The following KCNIP4 variants were observed in gnomAD, a reference collection of about 807,000 sequenced individuals.
KCNIP4 encodes the protein potassium voltage-gated channel interacting protein 4.
A neutral mutation model predicts 34.0 loss-of-function variants in KCNIP4; 12 were observed. The ratio of observed to expected loss-of-function variants is 0.35; its 90% CI spans 0.23 to 0.57. KCNIP4 has a LOEUF of 0.57. Among genes scored for constraint, KCNIP4 ranks in the 20% least tolerant of loss-of-function variants. The probability of loss-of-function intolerance (pLI) is 0.83; values close to 1 mark genes in which losing one functional copy is unlikely to be tolerated. For missense variants in KCNIP4, 238 were observed against 311.7 expected, an observed-to-expected ratio of 0.76 and a Z score of 1.78; for synonymous variants, 124 against 102.2, an observed-to-expected ratio of 1.21 and a Z score of -1.29.
chr4:21,397,698 T>G, intron 1 of KCNIP4, among the ~76,000 whole-genome samples: 1 of 152,204 alleles, frequency 6.6e-6, no homozygotes, highest in Non-Finnish European at 1.5e-5. Context: ...AGTTAATGAA[T>G]TTGATGATGC....
chr4:21,013,449 C>T (rs78697518), intron 1 of KCNIP4, among the ~76,000 whole-genome samples: 7,477 of 152,108 alleles, frequency 0.049, 240 homozygotes, highest in Admixed American at 0.082. Context: ...CACTGACCCC[C>T]AGACACCAGG....
chr4:20,909,658 T>A (rs535660539), intron 1 of KCNIP4, among the ~76,000 whole-genome samples: 1 of 152,214 alleles, frequency 6.6e-6, no homozygotes, highest in Non-Finnish European at 1.5e-5. Context: ...CTTATTTTTT[T>A]ATGCCTGCCT....
rs115405590 is a variant in KCNIP4 at position 21,929,089 on chromosome 4, A to G, written c.61+19482T>C. ...TCTCAAAAACATAATGACAAGTGAA[A>G]AAGTCTTAAAATACACCATTTGTGT... On this transcript the variant is annotated intron_variant, in intron 1 of 8. Coordinates refer to ENST00000382152, the MANE Select transcript of KCNIP4 (RefSeq NM_025221.6). 8.1e-3 allele frequency among the ~76,000 whole-genome samples: 1,229 copies of G among 152,258 alleles called. 14 individuals carry two copies. Among genetic ancestry groups the G allele is most frequent in the African/African-American group, 0.028 (1,153 of 41,550 alleles).
At chr4:21,290,129 A>C (rs1349094782) in intron 1 of KCNIP4, among the ~76,000 whole-genome samples, 1 of 152,192 alleles carries the variant, frequency 6.6e-6, no homozygotes, top group African/African-American at 2.4e-5. Context: ...TTTATCAATG[A>C]TTCCAGAAAC....
At chr4:21,234,605 A>T (rs144022421) in intron 1 of KCNIP4, among the ~76,000 whole-genome samples, 2,462 of 124,330 alleles carry the variant, frequency 0.02, 192 homozygotes, top group African/African-American at 0.1. Flanking sequence ...TATATATTAC[A>T]TATAACGTAT....
chr4:21,467,073 AACACACACACACACAC>A lies in KCNIP4; in HGVS notation c.61+481482_61+481497del, dbSNP rs33937973. 3.1e-4 allele frequency among the ~76,000 whole-genome samples: 43 copies of A among 139,846 alleles called. 1 individual carries two copies. In the East Asian group the frequency reaches 3.6e-3, roughly 12 times the overall value. The allele number at this position is 139,846 out of a possible 152,430, so 91.7% of individuals were successfully genotyped here. A position where few individuals can be genotyped will look rare whatever the true frequency, so the allele number is the denominator to read the frequency against. On this transcript the variant is annotated intron_variant, in intron 1 of 8. Transcript: ENST00000382152. The stretch of plus-strand genomic sequence containing the variant: ...AACCAAACCAAACCAAACCAAAACA[AACACACACACACACAC>A]ACACACACACACACACACACACACA...
chr4:21,168,684 G>A (rs2109289358), intron 1 of KCNIP4, among the ~76,000 whole-genome samples: 1 of 152,254 alleles, frequency 6.6e-6, no homozygotes, highest in African/African-American at 2.4e-5. Flanking sequence ...CCCACTATAT[G>A]CTCACACAGA....
intron 1 of KCNIP4, among the ~76,000 whole-genome samples, chr4:21,063,472 A>G (rs1744097442): frequency 6.6e-6 from 1 of 152,124 alleles, no homozygotes; most frequent in Non-Finnish European, 1.5e-5. Flanking sequence ...TCTTTCAACC[A>G]ACACTTATTA....
intron 1 of KCNIP4, among the ~76,000 whole-genome samples, chr4:21,295,900 T>C (rs570166125): frequency 1.1e-4 from 17 of 149,602 alleles, no homozygotes; most frequent in South Asian, 4.3e-4. Context: ...TGGACCACAA[T>C]AGAGGCACAT....
intron 1 of KCNIP4, among the ~76,000 whole-genome samples, chr4:21,141,500 G>C (rs944561531): frequency 1.3e-5 from 2 of 152,066 alleles, no homozygotes; most frequent in Admixed American, 6.5e-5. Context: ...TTGAGAAAAA[G>C]TGTCAGATAT....
Position 20,729,296 on chromosome 4 carries a change from T to TCTTCAACTTCCACTTAATGATTGATA in KCNIP4, c.*760_*785dup, listed in dbSNP as rs1747121598. The TCTTCAACTTCCACTTAATGATTGATA allele has an allele frequency of 6.6e-6, 1 of 152,390 alleles. No homozygotes were observed. Among genetic ancestry groups the TCTTCAACTTCCACTTAATGATTGATA allele is most frequent in the African/African-American group, 2.4e-5 (1 of 41,416 alleles). The allele number at this position is 152,390 out of a possible 1,614,324, so 9.4% of individuals were successfully genotyped here. A position where few individuals can be genotyped will look rare whatever the true frequency, so the allele number is the denominator to read the frequency against. The stretch of plus-strand genomic sequence containing the variant: ...AACATCCTTGTTTTGTTTGATGCCT[T>TCTTCAACTTCCACTTAATGATTGATA]CTTCAACTTCCACTTAATGATTGAT... On this transcript the variant is annotated 3_prime_UTR_variant, in exon 9 of 9. Coordinates refer to ENST00000382152, the MANE Select transcript of KCNIP4 (RefSeq NM_025221.6).
intron 1 of KCNIP4, among the ~76,000 whole-genome samples, chr4:21,741,852 C>T (rs564914578): frequency 2.0e-5 from 3 of 152,146 alleles, no homozygotes; most frequent in African/African-American, 7.2e-5. Context: ...GCCTGGCCAA[C>T]ATAGTGAAAC....
At chr4:21,401,252 T>A (rs1723533683) in intron 1 of KCNIP4, among the ~76,000 whole-genome samples, 1 of 152,188 alleles carries the variant, frequency 6.6e-6, no homozygotes, top group South Asian at 2.1e-4. Flanking sequence ...CAGGGGGAAA[T>A]ATACAGCTGA....
chr4:20,780,297 T>G (rs16869963), intron 3 of KCNIP4, among the ~76,000 whole-genome samples: 6,444 of 152,208 alleles, frequency 0.042, 221 homozygotes, highest in East Asian at 0.2. Flanking sequence ...AAAGTCCAAG[T>G]GATATCCATC....
intron 1 of KCNIP4, among the ~76,000 whole-genome samples, chr4:21,699,625 C>T (rs991185302): frequency 1.3e-5 from 2 of 152,104 alleles, no homozygotes; most frequent in Non-Finnish European, 2.9e-5. Context: ...TATGCAAATA[C>T]GCCAAGCTGC....
intron 1 of KCNIP4, among the ~76,000 whole-genome samples, chr4:21,487,194 T>C: frequency 6.6e-6 from 1 of 152,308 alleles, no homozygotes; most frequent in Admixed American, 6.5e-5. Context: ...AGTTGTCATG[T>C]CTCCTTAAGC....
intron 1 of KCNIP4, among the ~76,000 whole-genome samples, chr4:21,430,829 C>T (rs1013145029): frequency 2.9e-5 from 4 of 139,176 alleles, no homozygotes; most frequent in Non-Finnish European, 6.1e-5. Flanking sequence ...GCTCTTTTCA[C>T]CCACACTATA....
chr4:21,113,080 C>G (rs2109109338), intron 1 of KCNIP4, among the ~76,000 whole-genome samples: 1 of 152,244 alleles, frequency 6.6e-6, no homozygotes, highest in South Asian at 2.1e-4. Flanking sequence ...TTGACAATTC[C>G]TATTCTGCTG....
intron 1 of KCNIP4, among the ~76,000 whole-genome samples, chr4:21,827,108 T>C (rs1722722295): frequency 6.6e-6 from 1 of 152,026 alleles, no homozygotes; most frequent in Non-Finnish European, 1.5e-5. Flanking sequence ...TCTTAAATAA[T>C]AATACAATTG....
Sources: gnomAD v4.1 joint callset for allele counts (sites outside exome capture counted in the v4.1 genomes callset) on GRCh38, gnomAD v4.1.1 for gene constraint, MANE v1.5 for transcripts, NCBI Gene and HGNC (gene_info 2026-07-23, HGNC 2026-07-21) for gene names.